The following BLCAP variants were observed in gnomAD, a reference collection of about 807,000 sequenced individuals.
BLCAP encodes the protein apoptosis inducing factor BLCAP.
BLCAP carries 1 observed loss-of-function variant against 5.7 expected under a neutral mutation model. The observed-to-expected ratio is 0.18, with a 90% CI of 0.06 to 0.83. The LOEUF (loss-of-function observed/expected upper bound fraction) is 0.83. Among genes scored for constraint, BLCAP ranks in the 40% least tolerant of loss-of-function variants. BLCAP has a pLI of 0.71. For missense variants in BLCAP, 66 were observed against 107.6 expected (o/e 0.61, Z 1.71); for synonymous variants, 48 against 49.4 (o/e 0.97, Z 0.11).
chr20:37,521,339 C>T lies in BLCAP; in HGVS notation c.-176-1989G>A. The T allele has an allele frequency of 1.9e-6, 3 of 1,614,072 alleles. No individual in the cohort carries two copies. The highest frequency in any genetic ancestry group is 2.5e-6 in the Non-Finnish European group (3 of 1,179,940). On this transcript the variant is annotated intron_variant, in intron 1 of 1. Transcript: ENST00000373537. The surrounding 1 kb of genome is among the most constrained non-coding windows in gnomAD (Gnocchi z 4.5). Reference sequence around the variant, plus strand: ...CCTACCATTCTTGGAACCATGGCGGCAGTGGCGGCGGCCTCGGCTGAACTG... The same window carrying T: ...CCTACCATTCTTGGAACCATGGCGGTAGTGGCGGCGGCCTCGGCTGAACTG...
At chr20:37,527,461 A>C (rs2071743655) in intron 1 of BLCAP, 1 of 151,778 alleles carries the variant, frequency 6.6e-6, no homozygotes, top group Non-Finnish European at 1.5e-5. Flanking sequence ...CCGGGGCTGC[A>C]GAGATGGTGG....
intron 1 of BLCAP, among the ~76,000 whole-genome samples, chr20:37,525,834 A>G (rs2071709343): frequency 6.6e-6 from 1 of 152,198 alleles, no homozygotes; most frequent in African/African-American, 2.4e-5. Context: ...CCCTTTGCCT[A>G]AACCATCATT....
chr20:37,518,624 C>CGGTG lies in BLCAP; in HGVS notation c.*286_*287insCACC. Reference sequence around the variant, plus strand: ...CAGCTGACCAGGATGGACCCAGACTCCTCACAGTAATGAGGCGAGAGGGGT... The same window carrying CGGTG: ...CAGCTGACCAGGATGGACCCAGACTCGGTGCTCACAGTAATGAGGCGAGAGGGGT... On this transcript the variant is annotated 3_prime_UTR_variant, in exon 2 of 2. Transcript: ENST00000373537. 1 of 419,668 alleles carries CGGTG rather than the reference C, an allele frequency of 2.4e-6. No individual in the cohort carries two copies. The highest frequency in any genetic ancestry group is 4.0e-5 in the Admixed American group (1 of 25,142). 26.0% of individuals were successfully genotyped at this position (419,668 alleles called of 1,614,324 possible). A position where few individuals can be genotyped will look rare whatever the true frequency, so the allele number is the denominator to read the frequency against.
chr20:37,519,091 G>A lies in BLCAP; in HGVS notation c.84C>T (p.Phe28=). ...GGAAGCTGAGCAGGTAGAAGCCCAT[G>A]AACATGGAGTGGCTGAACCACAGGG... The part of the protein sequence containing the change: ...NPALWFSHSM[F]MGFYLLSFLL... The change falls in exon 2 of 2, where the codon TTC becomes TTT. Residue 28 remains phenylalanine, a synonymous_variant. Transcript: ENST00000373537. 5.0e-6 allele frequency: 8 copies of A among 1,613,978 alleles called. No individual in the cohort carries two copies. The highest frequency in any genetic ancestry group is 6.8e-6 in the Non-Finnish European group (8 of 1,179,964).
chr20:37,523,789 G>A (rs1171667974), intron 1 of BLCAP: 1 of 152,240 alleles, frequency 6.6e-6, no homozygotes, highest in Admixed American at 6.5e-5. Context: ...GGGGAGGGAG[G>A]AAAAGGAGGG....
rs2071584282 is a variant in BLCAP, at chr20:37,521,774, G to A, written c.-176-2424C>T. 5.4e-6 allele frequency: 1 copy of A among 185,680 alleles called. No homozygotes were observed. Among genetic ancestry groups the A allele is most frequent in the East Asian group, 1.4e-4 (1 of 7,346 alleles). 11.5% of individuals were successfully genotyped at this position (185,680 alleles called of 1,614,324 possible). ...TGAAAGACTTTACAGCTCGCAGAGTGAAAATTTTCCACCTTAAAAAATTGC... is the reference window on the plus strand; with the variant it reads ...TGAAAGACTTTACAGCTCGCAGAGTAAAAATTTTCCACCTTAAAAAATTGC... On this transcript the variant is annotated intron_variant, in intron 1 of 1. Coordinates refer to ENST00000373537, the MANE Select transcript of BLCAP (RefSeq NM_006698.4). This position sits in a 1 kb window ranked among gnomAD's most constrained non-coding sequence, Gnocchi z 4.5.
At position 37,518,775 on chromosome 20, in the gene BLCAP, A is replaced by T. The variant is rs1299871516; in HGVS notation, c.*136T>A. ...ATTATTCACATTGTAAGGATAAAAC[A>T]TCACAGGCCAAAAAGGCGCCGTCAG... is the stretch of plus-strand genomic sequence containing the variant. On this transcript the variant is annotated 3_prime_UTR_variant, in exon 2 of 2. Transcript: ENST00000373537. 1 of 1,247,764 alleles carries T rather than the reference A, an allele frequency of 8.0e-7. No individual in the cohort carries two copies. The highest frequency in any genetic ancestry group is 1.1e-6 in the Non-Finnish European group (1 of 901,418). The allele number at this position is 1,247,764 out of a possible 1,614,324, so 77.3% of individuals were successfully genotyped here.
At position 37,521,114 on chromosome 20, in the gene BLCAP, C is replaced by G. The variant is rs1325234313; in HGVS notation, c.-176-1764G>C. On this transcript the variant is annotated intron_variant, in intron 1 of 1. Coordinates refer to ENST00000373537, the MANE Select transcript of BLCAP (RefSeq NM_006698.4). This position sits in a 1 kb window ranked among gnomAD's most constrained non-coding sequence, Gnocchi z 4.5. ...GAGGCGGGGGTCGGTATGGAAAGAG[C>G]AGATGGATTATTTTTTTCCTCTCCT... The G allele has an allele frequency of 6.6e-6, 4 of 603,158 alleles. No homozygotes were observed. Among genetic ancestry groups the G allele is most frequent in the African/African-American group, 1.9e-5 (1 of 53,758 alleles). 37.4% of individuals were successfully genotyped at this position (603,158 alleles called of 1,614,324 possible). A position where few individuals can be genotyped will look rare whatever the true frequency, so the allele number is the denominator to read the frequency against.
chr20:37,526,119 G>C (rs1172837453), intron 1 of BLCAP, among the ~76,000 whole-genome samples: 1 of 152,114 alleles, frequency 6.6e-6, no homozygotes, highest in Non-Finnish European at 1.5e-5. Context: ...TGTCAGGGAA[G>C]GGCAGGGGCA....
intron 1 of BLCAP, chr20:37,523,398 T>C (rs147372366): frequency 6.5e-5 from 10 of 152,786 alleles, no homozygotes; most frequent in African/African-American, 2.4e-4. Flanking sequence ...TGTCACTTGA[T>C]TTGGAACTAT....
At position 37,521,759 on chromosome 20, in the gene BLCAP, T is replaced by G; in HGVS notation, c.-176-2409A>C. ...GGGGCACTACTGTGTTGAAAGACTT[T>G]ACAGCTCGCAGAGTGAAAATTTTCC... On this transcript the variant is annotated intron_variant, in intron 1 of 1. Transcript: ENST00000373537. The surrounding 1 kb of genome is among the most constrained non-coding windows in gnomAD (Gnocchi z 4.5). 4.9e-6 allele frequency: 1 copy of G among 203,600 alleles called. No homozygotes were observed. Among genetic ancestry groups the G allele is most frequent in the Non-Finnish European group, 9.8e-6 (1 of 101,786 alleles). 12.6% of individuals were successfully genotyped at this position (203,600 alleles called of 1,614,324 possible).
chr20:37,524,015 G>C (rs2071677589), intron 1 of BLCAP, among the ~76,000 whole-genome samples: 1 of 152,170 alleles, frequency 6.6e-6, no homozygotes, highest in South Asian at 2.1e-4. Context: ...CTTTGGGAAA[G>C]ATGAGAGGAG....
chr20:37,522,755 A>G (rs1400221032), intron 1 of BLCAP: 13 of 1,600,670 alleles, frequency 8.1e-6, no homozygotes, highest in East Asian at 2.3e-5. Flanking sequence ...CGAGCCCCCA[A>G]CTGAGGCCCC....
At chr20:37,523,656 C>T (rs1343210776) in intron 1 of BLCAP, 1 of 152,694 alleles carries the variant, frequency 6.5e-6, no homozygotes, top group Non-Finnish European at 1.5e-5. Flanking sequence ...GCACAGTGTC[C>T]CAGGACCCTG....
chr20:37,524,299 C>T (rs1035530749), intron 1 of BLCAP: 1 of 152,372 alleles, frequency 6.6e-6, no homozygotes, highest in Non-Finnish European at 1.5e-5. Flanking sequence ...GGCCCCACCT[C>T]ACCCCAGAAA....
chr20:37,526,741 G>C (rs548163884), intron 1 of BLCAP: 4 of 152,344 alleles, frequency 2.6e-5, no homozygotes, highest in Admixed American at 2.6e-4. Context: ...CTGGTCACTG[G>C]AAACCGACCA....
chr20:37,522,254 A>G, intron 1 of BLCAP: 1 of 719,768 alleles, frequency 1.4e-6, no homozygotes, highest in Non-Finnish European at 2.3e-6. Context: ...AAATCAGAAG[A>G]AAGCGCTTTG....
At chr20:37,526,399 G>A (rs938260713) in intron 1 of BLCAP, among the ~76,000 whole-genome samples, 21 of 150,448 alleles carry the variant, frequency 1.4e-4, no homozygotes, top group Non-Finnish European at 2.1e-4. Flanking sequence ...ATATGCCCCA[G>A]AGACACGTTG....
At chr20:37,520,871 G>A (rs765971006) in intron 1 of BLCAP, among the ~76,000 whole-genome samples, 1 of 152,076 alleles carries the variant, frequency 6.6e-6, no homozygotes, top group South Asian at 2.1e-4. Flanking sequence ...CCTAATTTCG[G>A]TTTTCCATCC....
Sources: allele counts gnomAD v4.1 joint callset (sites outside exome capture counted in the v4.1 genomes callset), GRCh38; gene constraint gnomAD v4.1.1; non-coding constraint Gnocchi (gnomAD v3.1); transcripts MANE v1.5; gene names NCBI Gene and HGNC (gene_info 2026-07-23, HGNC 2026-07-21).